Variants in SMAD7 observed in about 807,000 individuals in gnomAD.
SMAD7 encodes SMAD family member 7, also known as MAD (mothers against decapentaplegic, Drosophila) homolog 7.
A neutral mutation model predicts 38.7 loss-of-function variants in SMAD7; 8 were observed. That is an observed-to-expected ratio of 0.21 (90% CI 0.12 to 0.37). The LOEUF (loss-of-function observed/expected upper bound fraction) is 0.37, where lower values mean the gene tolerates loss of function less well. Ranked by LOEUF, SMAD7 falls within the 10% of genes least tolerant of loss-of-function variation. SMAD7 has a pLI of 1.00. For missense variants in SMAD7, 477 were observed against 577.9 expected (o/e 0.83, Z 1.79); for synonymous variants, 327 against 265.1 (o/e 1.23, Z -2.27).
chr18:48,939,274 A>G (rs1245306789), intron 3 of SMAD7, among the ~76,000 whole-genome samples: 1 of 151,826 alleles, frequency 6.6e-6, no homozygotes, highest in African/African-American at 2.4e-5. Flanking sequence ...GAAGCAAGTC[A>G]CTGCCTTCTA....
intron 1 of SMAD7, 79 bp from the exon 2 acceptor site, chr18:48,948,516 T>G: frequency 9.8e-7 from 1 of 1,023,472 alleles, no homozygotes. Context: ...AGAGGCATTC[T>G]TTTAGCCCAA....
At chr18:48,936,959 CAATCCAACTACTCAGAGG>C (rs2070074648) in intron 3 of SMAD7, among the ~76,000 whole-genome samples, 1 of 151,874 alleles carries the variant, frequency 6.6e-6, no homozygotes, top group Non-Finnish European at 1.5e-5. Flanking sequence ...TGCACGCCTG[CAATCCAACTACTCAGAGG>C]CTGAGGCAGG....
rs766483132 is a variant in SMAD7 at position 48,921,712 on chromosome 18, C to T, written c.941G>A (p.Arg314Gln). Reference sequence around the variant, plus strand: ...CTGGATGCCGCAGCCGATTTTGCTCCGCACCTTCTGCACCAGCTGACTCTT... The same window carrying T: ...CTGGATGCCGCAGCCGATTTTGCTCTGCACCTTCTGCACCAGCTGACTCTT... ...DNKSQLVQKVRSKIGCGIQLT... is the reference protein window; with the variant it reads ...DNKSQLVQKVQSKIGCGIQLT... The change falls in exon 4 of 4, where the codon CGG becomes CAG. Residue 314 changes from arginine to glutamine, a missense_variant. Physicochemically the swap from Arg to Gln is conservative, Grantham distance 43. Around this residue, in one of 2 missense-constraint regions of SMAD7, gnomAD observed 101 missense variants for 198.5 expected, o/e 0.51. Transcript: ENST00000262158. This position sits in a 1 kb window ranked among gnomAD's most constrained non-coding sequence, Gnocchi z 6.4. 4 of 1,613,924 alleles carry T rather than the reference C, an allele frequency of 2.5e-6. No homozygotes were observed. Among genetic ancestry groups the T allele is most frequent in the Non-Finnish European group, 2.5e-6 (3 of 1,179,986 alleles).
chr18:48,931,779 AGGGGCTGAGACACTC>A (rs1280479187), intron 3 of SMAD7, among the ~76,000 whole-genome samples: 7 of 152,270 alleles, frequency 4.6e-5, no homozygotes, highest in African/African-American at 1.7e-4. Context: ...GTGGCCAGCC[AGGGGCTGAGACACTC>A]GGCCTCAACC....
At chr18:48,930,400 G>A (rs2143775044) in intron 3 of SMAD7, among the ~76,000 whole-genome samples, 1 of 152,140 alleles carries the variant, frequency 6.6e-6, no homozygotes, top group East Asian at 1.9e-4. Flanking sequence ...CAGTTAGGAG[G>A]TCAAGGGAAT....
Position 48,949,277 on chromosome 18 carries a change from G to T in SMAD7, c.613+535C>A, listed in dbSNP as rs906365936. The T allele has an allele frequency of 3.1e-5, 31 of 985,080 alleles. No homozygotes were observed. In the African/African-American group the frequency reaches 4.7e-4, roughly 15 times the overall value. The allele number at this position is 985,080 out of a possible 1,614,324, so 61.0% of individuals were successfully genotyped here. ...CTCTTTGCCCCAAAACTCCAAAGGT[G>T]CGCGGCCACGACAGTATCTGGGCCA... On this transcript the variant is annotated intron_variant, in intron 1 of 3. Coordinates refer to ENST00000262158, the MANE Select transcript of SMAD7 (RefSeq NM_005904.4).
At chr18:48,934,903 C>T (rs1212513087) in intron 3 of SMAD7, among the ~76,000 whole-genome samples, 1 of 152,162 alleles carries the variant, frequency 6.6e-6, no homozygotes, top group Admixed American at 6.5e-5. Flanking sequence ...CCAATATTTC[C>T]TGTTAACTTA....
intron 1 of SMAD7, 110 bp downstream of exon 1, chr18:48,949,702 G>A: frequency 1.7e-6 from 2 of 1,210,858 alleles, no homozygotes; most frequent in South Asian, 1.6e-5. Context: ...TCCCAGGAGG[G>A]TATGCACACT....
At chr18:48,942,384 A>G in intron 3 of SMAD7, 97 bp downstream of exon 3, 1 of 780,160 alleles carries the variant, frequency 1.3e-6, no homozygotes, top group Non-Finnish European at 2.1e-6. Context: ...TGAAGTCCAG[A>G]CCAGCTGGGG....
At chr18:48,924,775 C>T (rs900515831) in intron 3 of SMAD7, among the ~76,000 whole-genome samples, 5 of 152,148 alleles carry the variant, frequency 3.3e-5, no homozygotes, top group African/African-American at 4.8e-5. Context: ...CTCCTCCTGC[C>T]GGGACTATCT....
At chr18:48,941,661 T>C (rs1348278696) in intron 3 of SMAD7, among the ~76,000 whole-genome samples, 1 of 152,174 alleles carries the variant, frequency 6.6e-6, no homozygotes, top group African/African-American at 2.4e-5. Flanking sequence ...TCTTAGAAAA[T>C]CTAGTGATGA....
chr18:48,941,437 T>C (rs2070138532), intron 3 of SMAD7, among the ~76,000 whole-genome samples: 1 of 152,152 alleles, frequency 6.6e-6, no homozygotes, highest in African/African-American at 2.4e-5. Context: ...GAATGAACTT[T>C]GCCTGAGCCA....
chr18:48,928,011 G>C (rs2069949643), intron 3 of SMAD7, among the ~76,000 whole-genome samples: 1 of 152,190 alleles, frequency 6.6e-6, no homozygotes, highest in African/African-American at 2.4e-5. Context: ...CAAGCCCACT[G>C]TTCCTCTCCA....
rs2070252735 is a variant in SMAD7 at position 48,950,610 on chromosome 18, A to C, written c.-186T>G. 2.9e-6 allele frequency: 1 copy of C among 341,544 alleles called. No homozygotes were observed. Among genetic ancestry groups the C allele is most frequent in the Non-Finnish European group, 4.8e-6 (1 of 207,028 alleles). 21.2% of individuals were successfully genotyped at this position (341,544 alleles called of 1,614,324 possible). ...TCCGTGGCATGCGCCAGTCTCCCGG[A>C]GGCCGGGGCGCGCGCGGGGGCCCGG... is the stretch of plus-strand genomic sequence containing the variant. On this transcript the variant is annotated 5_prime_UTR_variant, in exon 1 of 4. Coordinates refer to ENST00000262158, the MANE Select transcript of SMAD7 (RefSeq NM_005904.4).
chr18:48,921,943 G>A lies in SMAD7; in HGVS notation c.743-33C>T. 6.5e-7 allele frequency: 1 copy of A among 1,542,200 alleles called. No individual in the cohort carries two copies. The highest frequency in any genetic ancestry group is 8.7e-7 in the Non-Finnish European group (1 of 1,146,594). ...ACACATTGGCAGAGAGGGTTAGTGG[G>A]GACAGGCATTGGTGACTCCTAGAAT... is the stretch of plus-strand genomic sequence containing the variant. On this transcript the variant is annotated intron_variant, in intron 3 of 3. Coordinates refer to ENST00000262158, the MANE Select transcript of SMAD7 (RefSeq NM_005904.4). This position sits in a 1 kb window ranked among gnomAD's most constrained non-coding sequence, Gnocchi z 6.4.
At position 48,921,904 on chromosome 18, in the gene SMAD7, T is replaced by C. The variant is rs751275028; in HGVS notation, c.749A>G (p.Gln250Arg). 3 of 1,600,068 alleles carry C rather than the reference T, an allele frequency of 1.9e-6. No individual in the cohort carries two copies. The Admixed American group carries it at 5.1e-5, about 27-fold the overall frequency. Residue 250 changes from glutamine to arginine, a missense_variant, in exon 4 of 4, where the codon CAA (glutamine) becomes CGA (arginine). Gln to Arg is a conservative substitution (Grantham distance 43). Coordinates refer to ENST00000262158, the MANE Select transcript of SMAD7 (RefSeq NM_005904.4). The surrounding 1 kb of genome is among the most constrained non-coding windows in gnomAD (Gnocchi z 6.4). ...CCGATCCCCAGGCTCCAGAAGAAGT[T>C]GGGAATCTAGAAAACACATTGGCAG... ...YLAPGGLSDS[Q>R]LLLEPGDRSH...
At chr18:48,925,081 C>T (rs768037844) in intron 3 of SMAD7, among the ~76,000 whole-genome samples, 1 of 152,172 alleles carries the variant, frequency 6.6e-6, no homozygotes, top group Non-Finnish European at 1.5e-5. Flanking sequence ...TCCCGGGCCA[C>T]GTGTCGAGGG....
chr18:48,937,305 T>TGTGTGTGTGTGTGTGTGG (rs2070080945), intron 3 of SMAD7, among the ~76,000 whole-genome samples: 1 of 150,076 alleles, frequency 6.7e-6, no homozygotes, highest in Non-Finnish European at 1.5e-5. Flanking sequence ...TGTGTGTGTG[T>TGTGTGTGTGTGTGTGTGG]GTAGGAAGTG....
intron 2 of SMAD7, among the ~76,000 whole-genome samples, chr18:48,948,138 C>A (rs1194969070): frequency 2.0e-5 from 3 of 152,090 alleles, no homozygotes; most frequent in Non-Finnish European, 4.4e-5. Flanking sequence ...CTGAGCCCAC[C>A]GGCTACACAG....
Sources: gnomAD v4.1 joint callset for allele counts (sites outside exome capture counted in the v4.1 genomes callset) on GRCh38, gnomAD v4.1.1 for gene constraint, gnomAD v4.1.1 regional missense constraint, Gnocchi (gnomAD v3.1) non-coding constraint, MANE v1.5 for transcripts, NCBI Gene and HGNC (gene_info 2026-07-23, HGNC 2026-07-21) for gene names.